TXNL4A: variants seen among roughly 807,000 people sequenced by gnomAD.
TXNL4A encodes thioredoxin-like protein 4A.
TXNL4A carries 17 observed loss-of-function variants against 14.6 expected under a neutral mutation model. The ratio of observed to expected loss-of-function variants is 1.16; its 90% confidence interval spans 0.80 to 1.74. The LOEUF is 1.74. TXNL4A is among the 40% of genes most tolerant of loss of function. TXNL4A has a pLI of 0.00. For synonymous variants in TXNL4A, 83 were observed against 70.6 expected (o/e 1.18, Z -0.88); for missense variants, 74 against 195.2 (o/e 0.38, Z 3.70).
Position 80,026,023 on chromosome 18 carries a change from T to A in TXNL4A, c.-61+7828A>T, listed in dbSNP as rs118032255. Among the ~76,000 whole-genome samples, 407 of 152,356 alleles carry A rather than the reference T, an allele frequency of 2.7e-3. 9 individuals are homozygous for A. The highest frequency in any genetic ancestry group is 0.02 in the Admixed American group (309 of 15,310). On this transcript the variant is annotated intron_variant, in intron 1 of 2. Coordinates refer to the TXNL4A transcript ENST00000585474. ...TTTTAGATTATTTCACACATCTTGA[T>A]ATAACTTTTAGACAATATTGTGAGA...
chr18:79,973,998 T>C (rs2051340804), intron 2 of TXNL4A, 142 bp from the exon 3 acceptor site: 1 of 1,141,624 alleles, frequency 8.8e-7, no homozygotes, highest in South Asian at 1.5e-5. Flanking sequence ...GTGTATGCCA[T>C]GATGCAGGAG....
chr18:79,986,403 T>A lies in TXNL4A; in HGVS notation c.153+1837A>T, dbSNP rs11663328. Among the ~76,000 whole-genome samples, 42,229 of 151,974 alleles carry A rather than the reference T, an allele frequency of 0.28. 6,856 individuals carry two copies. The highest frequency in any genetic ancestry group is 0.38 in the Non-Finnish European group (25,574 of 67,958). On this transcript the variant is annotated intron_variant, in intron 1 of 2. Coordinates refer to ENST00000269601, the MANE Select transcript of TXNL4A (RefSeq NM_006701.5). ...AAGTTTATTAATAAAGCTATCCAAA[T>A]TTTTGGACAAAAACAAAAATCAGAC...
chr18:80,014,463 C>CAG (rs1446859110), intron 1 of TXNL4A, among the ~76,000 whole-genome samples: 1 of 152,166 alleles, frequency 6.6e-6, no homozygotes, highest in Non-Finnish European at 1.5e-5. Context: ...TCCAGCAGGG[C>CAG]AGTCAAATAT....
intron 1 of TXNL4A, among the ~76,000 whole-genome samples, chr18:79,998,683 C>G (rs4020400): frequency 0.34 from 50,373 of 147,906 alleles, 9,195 homozygotes; most frequent in South Asian, 0.51. Flanking sequence ...TCCCCCCTTA[C>G]CATTTCTGTG....
intron 1 of TXNL4A, among the ~76,000 whole-genome samples, chr18:80,019,339 G>A (rs1180152619): frequency 6.6e-6 from 1 of 152,174 alleles, no homozygotes; most frequent in Non-Finnish European, 1.5e-5. Context: ...AAATGAGGAA[G>A]AAGCAAAAGC....
chr18:79,982,031 A>G lies in TXNL4A; in HGVS notation c.154-4330T>C, dbSNP rs1347573981. On this transcript the variant is annotated intron_variant, in intron 1 of 2. Transcript: ENST00000269601. The surrounding 1 kb of genome is among the most constrained non-coding windows in gnomAD (Gnocchi z 4.0). ...GCCGCACGGGGAAGGGGCAGAGCTG[A>G]GATGCACTCTGTCTGGCTCCAAAGC... 6.6e-6 allele frequency among the ~76,000 whole-genome samples: 1 copy of G among 152,252 alleles called. No individual in the cohort carries two copies. The highest frequency in any genetic ancestry group is 1.5e-5 in the Non-Finnish European group (1 of 68,042).
At chr18:79,989,913 T>C (rs1178338114), upstream of TXNL4A, among the ~76,000 whole-genome samples, 2 of 152,182 alleles carry the variant, frequency 1.3e-5, no homozygotes, top group Non-Finnish European at 2.9e-5. Context: ...GGAGAATCGC[T>C]TGAACCCAGG....
At chr18:79,976,376 C>G (rs2051379596) in intron 2 of TXNL4A, among the ~76,000 whole-genome samples, 1 of 152,190 alleles carries the variant, frequency 6.6e-6, no homozygotes, top group Admixed American at 6.6e-5. Context: ...TCTCAATGTG[C>G]CGGCATGCCA....
intron 1 of TXNL4A, among the ~76,000 whole-genome samples, chr18:79,998,820 A>G (rs2145102181): frequency 6.6e-6 from 1 of 151,616 alleles, no homozygotes; most frequent in East Asian, 1.9e-4. Flanking sequence ...AATAATCTTA[A>G]TCTGGCCACT....
chr18:80,026,476 TTCTACCCTGACAAA>T lies in TXNL4A; in HGVS notation c.-61+7361_-61+7374del, dbSNP rs2051885164. Among the ~76,000 whole-genome samples, 3 of 152,062 alleles carry T rather than the reference TTCTACCCTGACAAA, an allele frequency of 2.0e-5. No homozygotes were observed. In the East Asian group the frequency reaches 5.8e-4, roughly 29 times the overall value. On this transcript the variant is annotated intron_variant, in intron 1 of 2. Coordinates refer to the TXNL4A transcript ENST00000585474. ...TACAGGAGTTTCACGTCTCCAAATA[TTCTACCCTGACAAA>T]AAAAACTGAGGGAGATTAATATAAT...
chr18:80,021,601 G>GTAT (rs1197708507), intron 1 of TXNL4A, among the ~76,000 whole-genome samples: 1 of 152,198 alleles, frequency 6.6e-6, no homozygotes. Context: ...AGTTAGCAAA[G>GTAT]TATACGGATT....
chr18:80,017,022 T>A (rs1175336525), intron 1 of TXNL4A, among the ~76,000 whole-genome samples: 1 of 151,414 alleles, frequency 6.6e-6, no homozygotes, highest in Non-Finnish European at 1.5e-5. Flanking sequence ...TTTGTTTGTA[T>A]CCTCTTTTAT....
intron 1 of TXNL4A, among the ~76,000 whole-genome samples, chr18:79,999,536 CAAAA>C (rs1215965310): frequency 2.9e-5 from 1 of 34,484 alleles, no homozygotes; most frequent in African/African-American, 9.2e-5. Flanking sequence ...GACTCCATCT[CAAAA>C]AAAAAAAAAA....
chr18:80,002,594 C>G (rs2051704910), intron 1 of TXNL4A, among the ~76,000 whole-genome samples: 1 of 152,124 alleles, frequency 6.6e-6, no homozygotes, highest in South Asian at 2.1e-4. Flanking sequence ...GTAAGAAGAA[C>G]CAATTTTTAA....
At chr18:80,009,056 C>T (rs370990442) in intron 1 of TXNL4A, among the ~76,000 whole-genome samples, 136 of 152,330 alleles carry the variant, frequency 8.9e-4, no homozygotes, top group African/African-American at 3.1e-3. Context: ...GGATTACAGG[C>T]GTGAGCCACT....
At chr18:80,031,110 G>T (rs958952754) in intron 1 of TXNL4A, among the ~76,000 whole-genome samples, 1 of 152,164 alleles carries the variant, frequency 6.6e-6, no homozygotes, top group Non-Finnish European at 1.5e-5. Flanking sequence ...ACAATGGCCC[G>T]TTTTCACAAT....
chr18:79,996,709 G>C (rs1599738521), intron 1 of TXNL4A, among the ~76,000 whole-genome samples: 1 of 152,210 alleles, frequency 6.6e-6, no homozygotes, highest in South Asian at 2.1e-4. Flanking sequence ...TTGGGAGGCC[G>C]AGGCAGGTGG....
intron 1 of TXNL4A, among the ~76,000 whole-genome samples, chr18:79,994,148 C>G (rs572383560): frequency 1.8e-4 from 27 of 152,186 alleles, no homozygotes; most frequent in African/African-American, 5.8e-4. Flanking sequence ...AAAATACTTA[C>G]GGCAAATTGT....
intron 1 of TXNL4A, among the ~76,000 whole-genome samples, chr18:79,996,717 T>C (rs2051665145): frequency 6.6e-6 from 1 of 152,066 alleles, no homozygotes; most frequent in Non-Finnish European, 1.5e-5. Context: ...CCGAGGCAGG[T>C]GGCTCACTTG....
Sources: allele counts gnomAD v4.1 joint callset (sites outside exome capture counted in the v4.1 genomes callset), GRCh38; gene constraint gnomAD v4.1.1; non-coding constraint Gnocchi (gnomAD v3.1); transcripts MANE v1.5; gene names NCBI Gene and HGNC (gene_info 2026-07-23, HGNC 2026-07-21).